The following SGCZ variants were observed in gnomAD, a reference collection of about 807,000 sequenced individuals.
The protein encoded by SGCZ is sarcoglycan zeta, also known as zeta-sarcoglycan.
A neutral mutation model predicts 41.3 loss-of-function variants in SGCZ; 40 were observed. The ratio of observed to expected loss-of-function variants is 0.97; its 90% CI spans 0.75 to 1.26. SGCZ has a LOEUF of 1.26. SGCZ is among the 50% of genes most tolerant of loss of function. The pLI, the probability that SGCZ is intolerant of heterozygous loss-of-function variation, is 0.00. For synonymous variants in SGCZ, 206 were observed against 137.5 expected (o/e 1.50, Z -3.49); for missense variants, 552 against 369.8 (o/e 1.49, Z -4.04).
intron 1 of SGCZ, among the ~76,000 whole-genome samples, chr8:14,787,348 T>C (rs1174686906): frequency 6.6e-6 from 1 of 152,158 alleles, no homozygotes; most frequent in Non-Finnish European, 1.5e-5. Flanking sequence ...TCTGGTGCTT[T>C]ATTTATTTCT....
intron 2 of SGCZ, among the ~76,000 whole-genome samples, chr8:14,522,214 G>T (rs1424909845): frequency 6.6e-6 from 1 of 151,906 alleles, no homozygotes; most frequent in Non-Finnish European, 1.5e-5. Context: ...AAGGGATATT[G>T]GTTTGTAGTT....
intron 1 of SGCZ, among the ~76,000 whole-genome samples, chr8:15,014,219 T>A (rs989288717): frequency 1.1e-4 from 16 of 152,198 alleles, no homozygotes; most frequent in Admixed American, 3.3e-4. Context: ...TATGCTGGAA[T>A]GACGCTGTCA....
At chr8:14,926,645 T>C (rs940515352) in intron 1 of SGCZ, among the ~76,000 whole-genome samples, 2 of 150,490 alleles carry the variant, frequency 1.3e-5, no homozygotes, top group African/African-American at 2.4e-5. Flanking sequence ...GTGTGTGTGG[T>C]TTTTTTTTGT....
intron 1 of SGCZ, among the ~76,000 whole-genome samples, chr8:15,157,000 C>T (rs992825515): frequency 6.6e-6 from 1 of 151,464 alleles, no homozygotes; most frequent in African/African-American, 2.4e-5. Flanking sequence ...GCAAGCACTT[C>T]TCAAATATTC....
rs531873609 is a variant in SGCZ, at chr8:14,171,374, A to G, written c.425-6672T>C. ...AAACACAATTATGAAGAGTTGGTGCAAAGTTTTCTAATTTATTTTTATGCA... is the reference window on the plus strand; with the variant it reads ...AAACACAATTATGAAGAGTTGGTGCGAAGTTTTCTAATTTATTTTTATGCA... On this transcript the variant is annotated intron_variant, in intron 4 of 7. Transcript: ENST00000382080. Among the ~76,000 whole-genome samples, 5 of 152,092 alleles carry G rather than the reference A, an allele frequency of 3.3e-5. No homozygotes were observed. In the East Asian group the frequency reaches 9.7e-4, roughly 29 times the overall value.
At chr8:15,207,191 G>C (rs193147329) in intron 1 of SGCZ, among the ~76,000 whole-genome samples, 1 of 152,218 alleles carries the variant, frequency 6.6e-6, no homozygotes, top group East Asian at 1.9e-4. Context: ...TTTTTTTCCA[G>C]ACACACCAAG....
intron 1 of SGCZ, among the ~76,000 whole-genome samples, chr8:14,756,805 G>C (rs1219118354): frequency 1.3e-5 from 2 of 152,080 alleles, no homozygotes; most frequent in Admixed American, 6.6e-5. Context: ...GATATATCTA[G>C]GATTGTTCTG....
chr8:14,478,711 C>A (rs1801434138), intron 2 of SGCZ, among the ~76,000 whole-genome samples: 1 of 152,184 alleles, frequency 6.6e-6, no homozygotes. Flanking sequence ...GATTGCAAAT[C>A]TCGTGTCTTT....
chr8:14,625,136 T>C (rs913346107), intron 1 of SGCZ, among the ~76,000 whole-genome samples: 5 of 152,228 alleles, frequency 3.3e-5, no homozygotes, highest in African/African-American at 9.6e-5. Flanking sequence ...ATATAATACA[T>C]TGCTATTGAA....
At chr8:14,287,460 A>G (rs1800681114) in intron 3 of SGCZ, among the ~76,000 whole-genome samples, 1 of 152,048 alleles carries the variant, frequency 6.6e-6, no homozygotes, top group East Asian at 1.9e-4. Context: ...AAGTGGCCCC[A>G]AGGTTTACAG....
chr8:14,583,543 C>T (rs1160350455), intron 1 of SGCZ, among the ~76,000 whole-genome samples: 2 of 151,960 alleles, frequency 1.3e-5, no homozygotes, highest in African/African-American at 2.4e-5. Flanking sequence ...GCTTTTGTTG[C>T]CATTGCTTTT....
At chr8:14,363,332 G>C (rs1462680795) in intron 2 of SGCZ, among the ~76,000 whole-genome samples, 2 of 152,096 alleles carry the variant, frequency 1.3e-5, no homozygotes, top group South Asian at 2.1e-4. Context: ...CTGACTTTCA[G>C]ACTGAGACTA....
chr8:15,050,611 G>C (rs1470880071), intron 1 of SGCZ, among the ~76,000 whole-genome samples: 1 of 152,126 alleles, frequency 6.6e-6, no homozygotes, highest in South Asian at 2.1e-4. Flanking sequence ...CTGTGCAGAG[G>C]AGTGATATTG....
intron 1 of SGCZ, among the ~76,000 whole-genome samples, chr8:15,000,507 T>C (rs2130909444): frequency 6.6e-6 from 1 of 152,274 alleles, no homozygotes; most frequent in East Asian, 1.9e-4. Context: ...AAAGTTGAGC[T>C]GCAGACATAG....
chr8:14,961,497 C>A (rs56148585), intron 1 of SGCZ, among the ~76,000 whole-genome samples: 55,863 of 151,884 alleles, frequency 0.37, 12,372 homozygotes, highest in East Asian at 0.52. Flanking sequence ...AGAGAGATCC[C>A]ATTCACATAA....
chr8:14,427,035 AAT>A (rs1799801966), intron 2 of SGCZ, among the ~76,000 whole-genome samples: 1 of 89,758 alleles, frequency 1.1e-5, no homozygotes, highest in African/African-American at 6.8e-5. Flanking sequence ...ACATTAAATG[AAT>A]GAATGAATGA....
intron 1 of SGCZ, among the ~76,000 whole-genome samples, chr8:15,069,472 A>G (rs2131025530): frequency 1.3e-5 from 2 of 152,356 alleles, no homozygotes; most frequent in Middle Eastern, 6.8e-3. Context: ...TCAAGATCTT[A>G]TAGCAGTGGA....
intron 1 of SGCZ, among the ~76,000 whole-genome samples, chr8:14,861,951 T>A (rs1803764286): frequency 6.6e-6 from 1 of 152,022 alleles, no homozygotes; most frequent in African/African-American, 2.4e-5. Flanking sequence ...TACCAGTGAA[T>A]CTTTGCTTCC....
At chr8:14,520,410 T>C (rs1400909344) in intron 2 of SGCZ, among the ~76,000 whole-genome samples, 3 of 152,060 alleles carry the variant, frequency 2.0e-5, no homozygotes, top group African/African-American at 7.2e-5. Context: ...ACTGAAACAG[T>C]TAATAACATT....
Sources: gnomAD v4.1 joint callset for allele counts (sites outside exome capture counted in the v4.1 genomes callset) on GRCh38, gnomAD v4.1.1 for gene constraint, MANE v1.5 for transcripts, NCBI Gene and HGNC (gene_info 2026-07-23, HGNC 2026-07-21) for gene names.